LHFPL3: variants seen among roughly 807,000 people sequenced by gnomAD.
The protein encoded by LHFPL3 is LHFPL tetraspan subfamily member 3, also known as LHFPL tetraspan subfamily member 3 protein.
In LHFPL3, 5 loss-of-function variants were observed where a neutral mutation model predicts 19.3. That is an observed-to-expected ratio of 0.26 (90% CI 0.14 to 0.54). LHFPL3 has a LOEUF of 0.54. Among genes scored for constraint, LHFPL3 ranks in the 20% least tolerant of loss-of-function variants. The pLI, the probability that LHFPL3 is intolerant of heterozygous loss-of-function variation, is 0.94. For missense variants in LHFPL3, 249 were observed against 307.4 expected, an observed-to-expected ratio of 0.81 and a Z score of 1.42; for synonymous variants, 133 against 126.2, an observed-to-expected ratio of 1.05 and a Z score of -0.36.
intron 1 of LHFPL3, among the ~76,000 whole-genome samples, chr7:104,655,444 C>T (rs559252615): frequency 6.6e-6 from 1 of 152,088 alleles, no homozygotes; most frequent in Non-Finnish European, 1.5e-5. Flanking sequence ...AATATTTTGG[C>T]AGGAAATGTT....
chr7:104,485,097 A>G (rs1246005724), intron 1 of LHFPL3, among the ~76,000 whole-genome samples: 1 of 152,208 alleles, frequency 6.6e-6, no homozygotes, highest in African/African-American at 2.4e-5. Flanking sequence ...AGTTTTTCAT[A>G]GGTAATTTAT....
At chr7:104,480,754 A>G (rs756771171) in intron 1 of LHFPL3, among the ~76,000 whole-genome samples, 17 of 152,246 alleles carry the variant, frequency 1.1e-4, no homozygotes, top group African/African-American at 4.1e-4. Context: ...TGCATAAAAC[A>G]GGCATTTGGT....
intron 1 of LHFPL3, among the ~76,000 whole-genome samples, chr7:104,539,625 A>G (rs1248461421): frequency 4.6e-5 from 7 of 152,174 alleles, no homozygotes; most frequent in Non-Finnish European, 8.8e-5. Context: ...TGGGCAGGAA[A>G]TGAGTGCAGT....
intron 1 of LHFPL3, among the ~76,000 whole-genome samples, chr7:104,702,525 A>G (rs1311514950): frequency 6.6e-6 from 1 of 152,238 alleles, no homozygotes; most frequent in East Asian, 1.9e-4. Context: ...GCTGACCTTC[A>G]GAATAAGAAA....
At chr7:104,594,388 G>A (rs1790795036) in intron 1 of LHFPL3, among the ~76,000 whole-genome samples, 1 of 152,160 alleles carries the variant, frequency 6.6e-6, no homozygotes, top group African/African-American at 2.4e-5. Context: ...GGCTTGTAGG[G>A]TTTCTGCTGA....
At chr7:104,681,153 T>C (rs1584477692) in intron 1 of LHFPL3, among the ~76,000 whole-genome samples, 1 of 89,510 alleles carries the variant, frequency 1.1e-5, no homozygotes, top group Non-Finnish European at 2.2e-5. Flanking sequence ...TTTCTTTTCT[T>C]CTTTTTTTTT....
intron 1 of LHFPL3, among the ~76,000 whole-genome samples, chr7:104,652,763 G>T (rs1792054850): frequency 6.6e-6 from 1 of 152,176 alleles, no homozygotes; most frequent in Admixed American, 6.5e-5. Context: ...AGGAAAAACA[G>T]ATTTTACTCG....
intron 2 of LHFPL3, among the ~76,000 whole-genome samples, chr7:104,793,878 G>A (rs2470963): frequency 0.97 from 148,139 of 152,278 alleles, 72,174 homozygotes; most frequent in East Asian, 1. Context: ...AACTGGTTTA[G>A]GGATTTTTAG....
intron 1 of LHFPL3, among the ~76,000 whole-genome samples, chr7:104,693,063 A>G (rs1478615679): frequency 1.3e-5 from 2 of 152,232 alleles, no homozygotes; most frequent in South Asian, 4.1e-4. Context: ...TGGATGTGAG[A>G]CATGAAGTCA....
intron 1 of LHFPL3, among the ~76,000 whole-genome samples, chr7:104,383,965 A>G (rs1029390277): frequency 5.9e-5 from 9 of 152,198 alleles, no homozygotes; most frequent in Non-Finnish European, 1.0e-4. Context: ...TATCTTGTGA[A>G]TCCTGAAAGT....
Position 104,393,222 on chromosome 7 carries a change from G to A in LHFPL3, c.445+63998G>A, listed in dbSNP as rs755650063. Among the ~76,000 whole-genome samples, 3 of 152,158 alleles carry A rather than the reference G, an allele frequency of 2.0e-5. No homozygotes were observed. The East Asian group carries it at 5.8e-4, about 29-fold the overall frequency. On this transcript the variant is annotated intron_variant, in intron 1 of 2. Transcript: ENST00000424859. ...AACCTCATACCTTGCTGGTCGTAAT[G>A]TAAGATGATGAAGCAAGTTTAGAAA...
intron 2 of LHFPL3, among the ~76,000 whole-genome samples, chr7:104,751,804 TC>T (rs1286384266): frequency 6.6e-6 from 1 of 152,076 alleles, no homozygotes; most frequent in East Asian, 1.9e-4. Context: ...GGGCTCCTTC[TC>T]CAGGTGGCAT....
At chr7:104,731,103 C>T (rs1793695228) in intron 1 of LHFPL3, among the ~76,000 whole-genome samples, 1 of 152,134 alleles carries the variant, frequency 6.6e-6, no homozygotes, top group South Asian at 2.1e-4. Context: ...CTATTGGTCT[C>T]TATATCTGTT....
chr7:104,363,006 C>A (rs937743820), intron 1 of LHFPL3, among the ~76,000 whole-genome samples: 2 of 152,204 alleles, frequency 1.3e-5, no homozygotes, highest in Admixed American at 6.5e-5. Context: ...TCTATAGGAA[C>A]AATTGGGCAG....
chr7:104,555,000 C>G (rs1395136997), intron 1 of LHFPL3, among the ~76,000 whole-genome samples: 1 of 152,152 alleles, frequency 6.6e-6, no homozygotes, highest in Admixed American at 6.5e-5. Context: ...TTCACATTTC[C>G]TCTGCCTTTT....
chr7:104,765,821 A>C lies in LHFPL3; in HGVS notation c.682+28910A>C, dbSNP rs138580166. On this transcript the variant is annotated intron_variant, in intron 2 of 2. Coordinates refer to ENST00000424859, the MANE Select transcript of LHFPL3 (RefSeq NM_199000.3). ...TTTCCGCTCCCCACAGTTTATATGC[A>C]ATGCAGATGTCTGATTACTGTAGCA... is the stretch of plus-strand genomic sequence containing the variant. 2.6e-3 allele frequency among the ~76,000 whole-genome samples: 391 copies of C among 152,312 alleles called. 6 individuals carry two copies. Among genetic ancestry groups the C allele is most frequent in the African/African-American group, 8.7e-3 (362 of 41,568 alleles).
chr7:104,778,782 C>T (rs538357960), intron 2 of LHFPL3, among the ~76,000 whole-genome samples: 1 of 152,220 alleles, frequency 6.6e-6, no homozygotes, highest in Non-Finnish European at 1.5e-5. Flanking sequence ...GCAACACTTA[C>T]ACACTGTCAT....
intron 1 of LHFPL3, among the ~76,000 whole-genome samples, chr7:104,557,066 C>A (rs1012257712): frequency 4.6e-5 from 7 of 152,162 alleles, no homozygotes; most frequent in African/African-American, 1.7e-4. Context: ...TTGGTCAAAG[C>A]CCTTCAACAA....
chr7:104,511,065 AGAAAG>A (rs2115769462), intron 1 of LHFPL3, among the ~76,000 whole-genome samples: 1 of 152,126 alleles, frequency 6.6e-6, no homozygotes, highest in African/African-American at 2.4e-5. Context: ...AAGTTAAAAA[AGAAAG>A]AAAGAAAAAG....
Sources: allele counts gnomAD v4.1 joint callset (sites outside exome capture counted in the v4.1 genomes callset), GRCh38; gene constraint gnomAD v4.1.1; transcripts MANE v1.5; gene names NCBI Gene and HGNC (gene_info 2026-07-23, HGNC 2026-07-21).